The following SGCZ variants were observed in gnomAD, a reference collection of about 807,000 sequenced individuals.
SGCZ encodes the protein zeta-sarcoglycan.
SGCZ carries 40 observed loss-of-function variants against 41.3 expected under a neutral mutation model. The observed-to-expected ratio is 0.97, with a 90% confidence interval of 0.75 to 1.26. SGCZ has a LOEUF of 1.26. SGCZ is among the 50% of genes most tolerant of loss of function. The pLI, the probability that SGCZ is intolerant of heterozygous loss-of-function variation, is 0.00. For missense variants in SGCZ, 552 were observed against 369.8 expected (o/e 1.49, Z -4.04); for synonymous variants, 206 against 137.5 (o/e 1.50, Z -3.49).
intron 2 of SGCZ, among the ~76,000 whole-genome samples, chr8:14,382,100 T>G (rs1004829185): frequency 6.6e-6 from 1 of 152,168 alleles, no homozygotes; most frequent in Non-Finnish European, 1.5e-5. Context: ...CTCTAACATT[T>G]TTCACTACAC....
chr8:14,869,383 C>G (rs374223412), intron 1 of SGCZ, among the ~76,000 whole-genome samples: 1 of 152,114 alleles, frequency 6.6e-6, no homozygotes, highest in East Asian at 1.9e-4. Flanking sequence ...CGATGAAATT[C>G]AACACCGCTT....
intron 1 of SGCZ, among the ~76,000 whole-genome samples, chr8:14,899,812 AAAAG>A (rs1220285297): frequency 3.3e-5 from 5 of 152,030 alleles, no homozygotes; most frequent in African/African-American, 4.8e-5. Flanking sequence ...GAGAAAAGTG[AAAAG>A]AAAGAAGGGA....
intron 1 of SGCZ, among the ~76,000 whole-genome samples, chr8:14,853,228 G>A (rs1803404664): frequency 2.0e-5 from 3 of 152,296 alleles, no homozygotes; most frequent in African/African-American, 2.4e-5. Flanking sequence ...ATGTTAAAGA[G>A]TGGGGAAGAG....
At chr8:14,885,131 GTC>G (rs920228331) in intron 1 of SGCZ, among the ~76,000 whole-genome samples, 2 of 152,140 alleles carry the variant, frequency 1.3e-5, no homozygotes, top group African/African-American at 4.8e-5. Context: ...CACAACCAAA[GTC>G]TCTCTGAATA....
intron 1 of SGCZ, among the ~76,000 whole-genome samples, chr8:14,608,826 G>T (rs1183436778): frequency 1.3e-5 from 2 of 151,898 alleles, no homozygotes; most frequent in African/African-American, 4.8e-5. Context: ...ATCGGCAAGT[G>T]TATCATTTTA....
At chr8:14,357,986 C>A (rs1803355937) in intron 2 of SGCZ, among the ~76,000 whole-genome samples, 3 of 152,280 alleles carry the variant, frequency 2.0e-5, no homozygotes, top group Middle Eastern at 6.8e-3. Flanking sequence ...ATTCTGCCAA[C>A]ATTTACTGTG....
At chr8:14,322,620 C>T (rs966935920) in intron 3 of SGCZ, among the ~76,000 whole-genome samples, 1 of 152,032 alleles carries the variant, frequency 6.6e-6, no homozygotes. Flanking sequence ...TTTGTTCCCA[C>T]GTAGCGACTA....
At chr8:14,145,628 G>T (rs554577437) in intron 5 of SGCZ, among the ~76,000 whole-genome samples, 2 of 152,178 alleles carry the variant, frequency 1.3e-5, no homozygotes, top group African/African-American at 2.4e-5. Context: ...ACGGTCACAC[G>T]TAACAGAGAT....
chr8:14,609,426 G>A (rs534319605), intron 1 of SGCZ, among the ~76,000 whole-genome samples: 2 of 152,088 alleles, frequency 1.3e-5, no homozygotes, highest in South Asian at 4.2e-4. Context: ...TTCTTGAAAG[G>A]AAGATGTTAG....
Position 14,414,623 on chromosome 8 carries a change from C to A in SGCZ, c.235-90419G>T, listed in dbSNP as rs114551152. Among the ~76,000 whole-genome samples the A allele has an allele frequency of 3.8e-3, 574 of 152,024 alleles. 3 individuals carry two copies. Among genetic ancestry groups the A allele is most frequent in the African/African-American group, 0.014 (561 of 41,494 alleles). On this transcript the variant is annotated intron_variant, in intron 2 of 7. Transcript: ENST00000382080. ...ATAGCTGAGAAAATGTGTGATATGTCACCTCCAACCAATGCTATAGCCACA... is the reference window on the plus strand; with the variant it reads ...ATAGCTGAGAAAATGTGTGATATGTAACCTCCAACCAATGCTATAGCCACA...
intron 1 of SGCZ, among the ~76,000 whole-genome samples, chr8:15,014,625 T>C (rs746816699): frequency 6.6e-6 from 1 of 152,196 alleles, no homozygotes; most frequent in Non-Finnish European, 1.5e-5. Flanking sequence ...AGCATTTGGC[T>C]ACTCAGCATG....
intron 2 of SGCZ, among the ~76,000 whole-genome samples, chr8:14,455,038 A>G (rs1006239839): frequency 6.6e-6 from 1 of 152,264 alleles, no homozygotes; most frequent in South Asian, 2.1e-4. Flanking sequence ...TGACTACACA[A>G]ATCTTTTAAA....
chr8:14,464,463 C>A (rs1800990909), intron 2 of SGCZ, among the ~76,000 whole-genome samples: 1 of 144,604 alleles, frequency 6.9e-6, no homozygotes, highest in Non-Finnish European at 1.5e-5. Context: ...ACCCTCAATT[C>A]TGATTTTGGA....
At chr8:14,714,509 C>T (rs1377786843) in intron 1 of SGCZ, among the ~76,000 whole-genome samples, 2 of 152,052 alleles carry the variant, frequency 1.3e-5, no homozygotes, top group East Asian at 1.9e-4. Context: ...GAATAAAATG[C>T]CTTCTATCTA....
intron 3 of SGCZ, among the ~76,000 whole-genome samples, chr8:14,244,290 C>A (rs1799002908): frequency 6.6e-6 from 1 of 151,648 alleles, no homozygotes; most frequent in African/African-American, 2.4e-5. Context: ...TCTTCTTTTT[C>A]TTCCCCAGAG....
chr8:14,149,013 C>T (rs966551100), intron 5 of SGCZ, among the ~76,000 whole-genome samples: 1 of 152,006 alleles, frequency 6.6e-6, no homozygotes, highest in Non-Finnish European at 1.5e-5. Context: ...CCCCAAAAAC[C>T]TGGGTATAGA....
At chr8:14,102,340 C>CA in intron 7 of SGCZ, 36 bp downstream of exon 7, 1 of 1,383,956 alleles carries the variant, frequency 7.2e-7, no homozygotes, top group Non-Finnish European at 9.5e-7. Context: ...TCAAAGTGGG[C>CA]AGTATAGGGC....
chr8:14,417,372 A>T (rs1947710), intron 2 of SGCZ, among the ~76,000 whole-genome samples: 1,684 of 151,926 alleles, frequency 0.011, 16 homozygotes, highest in Non-Finnish European at 0.017. Context: ...GAGGGTTAGG[A>T]AAATAGACTT....
At chr8:14,931,125 T>C (rs1424864401) in intron 1 of SGCZ, among the ~76,000 whole-genome samples, 4 of 152,102 alleles carry the variant, frequency 2.6e-5, no homozygotes, top group Admixed American at 6.5e-5. Context: ...TCTTAGATAT[T>C]ATATTAGCTG....
Sources: gnomAD v4.1 joint callset for allele counts (sites outside exome capture counted in the v4.1 genomes callset) on GRCh38, gnomAD v4.1.1 for gene constraint, MANE v1.5 for transcripts, NCBI Gene and HGNC (gene_info 2026-07-23, HGNC 2026-07-21) for gene names.